Variants in CHD1 observed in about 807,000 individuals in gnomAD.
The protein encoded by CHD1 is ATP-dependent chromatin remodeler CHD1.
In CHD1, 36 loss-of-function variants were observed where a neutral mutation model predicts 224.2. That is an observed-to-expected ratio of 0.16 (90% CI 0.12 to 0.21). CHD1 has a LOEUF of 0.21. Among genes scored for constraint, CHD1 ranks in the 10% least tolerant of loss-of-function variants. The pLI is 1.00. For missense variants in CHD1, 1,378 were observed against 1,994.8 expected, an observed-to-expected ratio of 0.69 and a Z score of 5.89; for synonymous variants, 668 against 658.3, an observed-to-expected ratio of 1.01 and a Z score of -0.23.
chr5:98,898,551 T>C (rs951925150), intron 9 of CHD1, 113 bp downstream of exon 9: 13 of 1,216,376 alleles, frequency 1.1e-5, no homozygotes, highest in African/African-American at 1.5e-5. Flanking sequence ...TTTACAATAC[T>C]GTTTTAGTAA....
Position 98,883,112 on chromosome 5 carries a change from G to A in CHD1, c.2694C>T (p.Ala898=), listed in dbSNP as rs1185959864. The A allele has an allele frequency of 6.6e-7, 1 of 1,510,744 alleles. No individual in the cohort carries two copies. The highest frequency in any genetic ancestry group is 8.8e-7 in the Non-Finnish European group (1 of 1,134,602). 93.6% of individuals were successfully genotyped at this position (1,510,744 alleles called of 1,614,324 possible). Reference sequence around the variant, plus strand: ...CCTGTTTCTTTTGCCCAATTCGATGGGCTCTAGCCTGTGCCTGAAGATCAT... The same window carrying A: ...CCTGTTTCTTTTGCCCAATTCGATGAGCTCTAGCCTGTGCCTGAAGATCAT... ...PQNDLQAQAR[A]HRIGQKKQVN... Residue 898 remains alanine (A), a synonymous_variant, in exon 19 of 36, where the codon GCC becomes GCT. Coordinates refer to ENST00000614616, the MANE Select transcript of CHD1 (RefSeq NM_001270.4).
At chr5:98,895,561 T>C (rs1242176924) in intron 12 of CHD1, among the ~76,000 whole-genome samples, 1 of 151,798 alleles carries the variant, frequency 6.6e-6, no homozygotes, top group Non-Finnish European at 1.5e-5. Context: ...GAGACCAGCC[T>C]GGGCAACATA....
intron 32 of CHD1, among the ~76,000 whole-genome samples, chr5:98,861,883 A>T (rs2112458704): frequency 6.6e-6 from 1 of 151,996 alleles, no homozygotes; most frequent in South Asian, 2.1e-4. Flanking sequence ...TTTCTGCATT[A>T]AAAATAAAAA....
intron 2 of CHD1, among the ~76,000 whole-genome samples, chr5:98,906,404 C>A (rs1185745947): frequency 1.3e-5 from 2 of 152,060 alleles, no homozygotes; most frequent in African/African-American, 4.8e-5. Flanking sequence ...GCATACCTTG[C>A]GAGAAATTTT....
intron 31 of CHD1, among the ~76,000 whole-genome samples, chr5:98,866,821 A>G (rs162143): frequency 6.6e-6 from 1 of 152,092 alleles, no homozygotes; most frequent in Non-Finnish European, 1.5e-5. Context: ...AGTTAAAGCC[A>G]AACTACATTA....
chr5:98,859,419 C>T (rs180985196), intron 33 of CHD1, among the ~76,000 whole-genome samples: 185 of 152,138 alleles, frequency 1.2e-3, no homozygotes, highest in African/African-American at 4.1e-3. Context: ...TTTATCTGCT[C>T]GGGGATTCGA....
chr5:98,907,149 G>C (rs1295698825), intron 2 of CHD1, among the ~76,000 whole-genome samples: 1 of 152,192 alleles, frequency 6.6e-6, no homozygotes, highest in Non-Finnish European at 1.5e-5. Flanking sequence ...TCTTTAGGCA[G>C]TAGTACTGGC....
At chr5:98,911,175 A>ATATATATATATATATATAT (rs1554081101) in intron 2 of CHD1, among the ~76,000 whole-genome samples, 2 of 138,552 alleles carry the variant, frequency 1.4e-5, no homozygotes, top group African/African-American at 5.5e-5. Flanking sequence ...ATATATATAT[A>ATATATATATATATATATAT]TAGAGGCATG....
chr5:98,905,144 T>A, intron 2 of CHD1, 46 bp from the exon 3 acceptor site: 2 of 1,604,990 alleles, frequency 1.2e-6, no homozygotes, highest in Non-Finnish European at 1.7e-6. Context: ...CATTAGGAAT[T>A]TAATTTTTCT....
chr5:98,856,182 C>A lies in CHD1; in HGVS notation c.*198G>T. On this transcript the variant is annotated 3_prime_UTR_variant, in exon 36 of 36. Transcript: ENST00000614616. ...AAAAAAGTACTACAATTTTGTAGTACAGTGCAGCATAATCCTTAAATATAA... is the reference window on the plus strand; with the variant it reads ...AAAAAAGTACTACAATTTTGTAGTAAAGTGCAGCATAATCCTTAAATATAA... 4.2e-6 allele frequency: 2 copies of A among 477,506 alleles called. No individual in the cohort carries two copies. The highest frequency in any genetic ancestry group is 7.5e-6 in the Non-Finnish European group (2 of 265,966). 29.6% of individuals were successfully genotyped at this position (477,506 alleles called of 1,614,324 possible). A position where few individuals can be genotyped will look rare whatever the true frequency, so the allele number is the denominator to read the frequency against.
At chr5:98,869,719 A>G (rs1444105948) in intron 30 of CHD1, 35 bp downstream of exon 30, 4 of 1,602,574 alleles carry the variant, frequency 2.5e-6, no homozygotes, top group Admixed American at 1.7e-5. Flanking sequence ...TTCCCTTTCC[A>G]TAGAAAAGGT....
chr5:98,895,216 T>C (rs1751266793), intron 12 of CHD1, among the ~76,000 whole-genome samples: 1 of 152,122 alleles, frequency 6.6e-6, no homozygotes, highest in Non-Finnish European at 1.5e-5. Context: ...AAACACAATT[T>C]TAAAGCACAT....
chr5:98,860,573 C>G (rs1010146822), intron 32 of CHD1: 5 of 168,414 alleles, frequency 3.0e-5, no homozygotes, highest in Admixed American at 1.8e-4. Context: ...AAATGAGGTA[C>G]AGTTTGCTAT....
intron 19 of CHD1, among the ~76,000 whole-genome samples, 185 bp from the exon 20 acceptor site, chr5:98,882,308 G>A (rs1750249238): frequency 1.3e-5 from 2 of 151,230 alleles, no homozygotes; most frequent in Admixed American, 1.3e-4. Flanking sequence ...GGACTATTTT[G>A]AAACTATATC....
chr5:98,905,932 T>G (rs1307664037), intron 2 of CHD1, among the ~76,000 whole-genome samples: 2 of 152,158 alleles, frequency 1.3e-5, no homozygotes, highest in East Asian at 1.9e-4. Flanking sequence ...TTCTGGTACA[T>G]ATGGTTGACT....
intron 20 of CHD1, among the ~76,000 whole-genome samples, 175 bp downstream of exon 20, chr5:98,881,800 G>A (rs2112397797): frequency 6.6e-6 from 1 of 152,256 alleles, no homozygotes; most frequent in African/African-American, 2.4e-5. Context: ...AATCTGTAGC[G>A]ATGAAACCAG....
intron 30 of CHD1, chr5:98,869,357 G>C (rs1749143106): frequency 1.5e-6 from 1 of 646,722 alleles, no homozygotes; most frequent in Non-Finnish European, 1.9e-6. Context: ...ACTACAGATT[G>C]CATGTATGTG....
intron 1 of CHD1, among the ~76,000 whole-genome samples, chr5:98,926,993 G>A (rs189406402): frequency 1.3e-5 from 2 of 151,602 alleles, no homozygotes; most frequent in East Asian, 3.9e-4. Flanking sequence ...ACACTTGAGT[G>A]AGAAAGTTCT....
intron 32 of CHD1, among the ~76,000 whole-genome samples, chr5:98,861,814 T>C (rs113922393): frequency 1.3e-5 from 2 of 151,962 alleles, no homozygotes; most frequent in African/African-American, 4.8e-5. Context: ...CAATGACTGT[T>C]CTTGAGGGGA....
Sources: gnomAD v4.1 joint callset for allele counts (sites outside exome capture counted in the v4.1 genomes callset) on GRCh38, gnomAD v4.1.1 for gene constraint, MANE v1.5 for transcripts, NCBI Gene and HGNC (gene_info 2026-07-23, HGNC 2026-07-21) for gene names.